The following WWP2 variants were observed in gnomAD, a reference collection of about 807,000 sequenced individuals.
WWP2 encodes NEDD4-like E3 ubiquitin-protein ligase WWP2.
WWP2 carries 57 observed loss-of-function variants against 121.0 expected under a neutral mutation model. The observed-to-expected ratio is 0.47, with a 90% CI of 0.38 to 0.59. The LOEUF (loss-of-function observed/expected upper bound fraction) is 0.59. Among genes scored for constraint, WWP2 ranks in the 20% least tolerant of loss-of-function variants. The pLI, the probability that WWP2 is intolerant of heterozygous loss-of-function variation, is 0.00. For missense variants in WWP2, 962 were observed against 1,158.9 expected (o/e 0.83, Z 2.47); for synonymous variants, 449 against 441.3 (o/e 1.02, Z -0.22).
intron 1 of WWP2, among the ~76,000 whole-genome samples, chr16:69,783,925 G>A (rs752344677): frequency 3.3e-5 from 5 of 152,018 alleles, no homozygotes; most frequent in Non-Finnish European, 5.9e-5. Flanking sequence ...CTGCACTCCC[G>A]GCATGGGCGA....
intron 4 of WWP2, among the ~76,000 whole-genome samples, chr16:69,811,856 T>C (rs2056398022): frequency 6.6e-6 from 1 of 152,220 alleles, no homozygotes; most frequent in African/African-American, 2.4e-5. Context: ...TACATTTGCT[T>C]TCACTGTGTT....
chr16:69,793,674 G>GA (rs373156840), intron 2 of WWP2, among the ~76,000 whole-genome samples: 1 of 151,956 alleles, frequency 6.6e-6, no homozygotes, highest in Non-Finnish European at 1.5e-5. Flanking sequence ...TTGCCAGAAA[G>GA]AAAAAATCTC....
At chr16:69,779,963 A>G (rs906115206) in intron 1 of WWP2, among the ~76,000 whole-genome samples, 3 of 152,336 alleles carry the variant, frequency 2.0e-5, no homozygotes, top group South Asian at 2.1e-4. Context: ...AAAAACCACC[A>G]TCTGGATTTA....
intron 6 of WWP2, among the ~76,000 whole-genome samples, chr16:69,845,643 G>A (rs2057059207): frequency 6.6e-6 from 1 of 151,962 alleles, no homozygotes; most frequent in South Asian, 2.1e-4. Flanking sequence ...ACTGTGAAAG[G>A]GTTTTATCTG....
Position 69,940,326 on chromosome 16 carries a change from C to A in WWP2, c.*386C>A, listed in dbSNP as rs112010616. On this transcript the variant is annotated 3_prime_UTR_variant, in exon 24 of 24. Transcript: ENST00000359154. The stretch of plus-strand genomic sequence containing the variant: ...CTCCTGGACTAGTTCGGCGAGGAGA[C>A]TGGCCACTGGGGGTGGCTGTTCGGG... The A allele has an allele frequency of 0.011, 2,072 of 195,892 alleles. 17 individuals are homozygous for A. The highest frequency in any genetic ancestry group is 0.019 in the South Asian group (131 of 6,806). 12.1% of individuals were successfully genotyped at this position (195,892 alleles called of 1,614,324 possible).
intron 1 of WWP2, among the ~76,000 whole-genome samples, chr16:69,769,931 A>G (rs1597636216): frequency 1.4e-5 from 2 of 147,738 alleles, no homozygotes; most frequent in South Asian, 4.2e-4. Context: ...CTAGAGTGCA[A>G]TGGCATAATC....
intron 4 of WWP2, among the ~76,000 whole-genome samples, chr16:69,829,320 T>C (rs937623523): frequency 6.6e-6 from 1 of 152,222 alleles, no homozygotes; most frequent in South Asian, 2.1e-4. Flanking sequence ...CCAGCAAGGC[T>C]GATCTTGTCA....
chr16:69,778,614 A>T (rs1419704169), intron 1 of WWP2, among the ~76,000 whole-genome samples: 1 of 148,706 alleles, frequency 6.7e-6, no homozygotes, highest in Non-Finnish European at 1.5e-5. Context: ...AAGTACTTTG[A>T]TGGGGATGGG....
intron 1 of WWP2, among the ~76,000 whole-genome samples, chr16:69,779,227 A>G (rs779529624): frequency 2.0e-5 from 3 of 152,254 alleles, no homozygotes; most frequent in Non-Finnish European, 4.4e-5. Flanking sequence ...CTGGGATTAC[A>G]GGCGTGAGCC....
intron 4 of WWP2, among the ~76,000 whole-genome samples, chr16:69,811,938 C>T (rs2056399302): frequency 6.6e-6 from 1 of 151,978 alleles, no homozygotes; most frequent in South Asian, 2.1e-4. Context: ...GTGTCTGGTT[C>T]CTAAAGGAGA....
At chr16:69,871,114 C>T (rs2057627762) in intron 6 of WWP2, among the ~76,000 whole-genome samples, 1 of 151,202 alleles carries the variant, frequency 6.6e-6, no homozygotes, top group Non-Finnish European at 1.5e-5. Context: ...AGCAAGACCC[C>T]ATCTCCCCAA....
At chr16:69,923,856 A>C (rs1012403992) in intron 10 of WWP2, among the ~76,000 whole-genome samples, 2 of 152,230 alleles carry the variant, frequency 1.3e-5, no homozygotes, top group Non-Finnish European at 2.9e-5. Context: ...ACTACAAAAC[A>C]GAGTTGGAGG....
At chr16:69,778,096 C>T (rs1434294574) in intron 1 of WWP2, among the ~76,000 whole-genome samples, 2 of 128,186 alleles carry the variant, frequency 1.6e-5, no homozygotes, top group East Asian at 5.0e-4. Flanking sequence ...TATATACACA[C>T]ACACACACAC....
intron 8 of WWP2, among the ~76,000 whole-genome samples, chr16:69,900,349 T>C (rs1310241757): frequency 6.6e-6 from 1 of 152,124 alleles, no homozygotes; most frequent in East Asian, 1.9e-4. Context: ...TTTTAGAGGC[T>C]GGGTGCAGTG....
chr16:69,797,076 G>A (rs1013417370), intron 2 of WWP2, among the ~76,000 whole-genome samples: 6 of 152,152 alleles, frequency 3.9e-5, no homozygotes, highest in African/African-American at 7.2e-5. Flanking sequence ...GATGGGAGAC[G>A]TCTAGATGTG....
At position 69,935,894 on chromosome 16, in the gene WWP2, C is replaced by T; in HGVS notation, c.1884C>T (p.Leu628=). ...HGKFIDTGFT[L]PFYKRMLNKR... is the part of the protein sequence containing the mutation. Reference sequence around the variant, plus strand: ...AGTTCATCGACACGGGCTTCACCCTCCCTTTCTACAAGCGGATGCTCAATA... The same window carrying T: ...AGTTCATCGACACGGGCTTCACCCTTCCTTTCTACAAGCGGATGCTCAATA... The change falls in exon 18 of 24, where the codon CTC becomes CTT. Residue 628 remains leucine (L), a synonymous_variant. Transcript: ENST00000359154. The surrounding 1 kb of genome is among the most constrained non-coding windows in gnomAD (Gnocchi z 5.2). The T allele has an allele frequency of 6.2e-7, 1 of 1,614,062 alleles. No individual in the cohort carries two copies. Among genetic ancestry groups the T allele is most frequent in the Non-Finnish European group, 8.5e-7 (1 of 1,180,026 alleles).
At chr16:69,821,331 A>G (rs996601564) in intron 4 of WWP2, among the ~76,000 whole-genome samples, 1 of 152,190 alleles carries the variant, frequency 6.6e-6, no homozygotes, top group Non-Finnish European at 1.5e-5. Context: ...GAGCTGTTGG[A>G]AAGAAAAGGT....
chr16:69,827,084 A>C (rs2056714117), intron 4 of WWP2, among the ~76,000 whole-genome samples: 1 of 151,146 alleles, frequency 6.6e-6, no homozygotes. Flanking sequence ...AGAAAATCTC[A>C]TGCCTTGTGT....
rs565830835 is a variant in WWP2 at position 69,897,302 on chromosome 16, C to T, written c.914+9053C>T. Among the ~76,000 whole-genome samples the T allele has an allele frequency of 1.4e-4, 21 of 152,120 alleles. No homozygotes were observed. The South Asian group carries it at 4.1e-3, about 30-fold the overall frequency. ...ATTTTTTGTAGAGATGGGGTTTTGC[C>T]GTGTTGCTCAGGCTGGTCTTGAACT... On this transcript the variant is annotated intron_variant, in intron 8 of 23. Transcript: ENST00000359154.
Sources: gnomAD v4.1 joint callset for allele counts (sites outside exome capture counted in the v4.1 genomes callset) on GRCh38, gnomAD v4.1.1 for gene constraint, Gnocchi (gnomAD v3.1) non-coding constraint, MANE v1.5 for transcripts, NCBI Gene and HGNC (gene_info 2026-07-23, HGNC 2026-07-21) for gene names.